PHKB: variants seen among roughly 807,000 people sequenced by gnomAD.
PHKB encodes phosphorylase b kinase regulatory subunit beta.
Under a neutral mutation model 152.1 loss-of-function variants are expected in PHKB, and 122 were observed. That is an observed-to-expected ratio of 0.80 (90% CI 0.69 to 0.93). The LOEUF (loss-of-function observed/expected upper bound fraction) is 0.93. PHKB is among the 40% of genes least tolerant of loss of function. PHKB has a pLI of 0.00. For missense variants in PHKB, 1,304 were observed against 1,328.4 expected (o/e 0.98, Z 0.29); for synonymous variants, 436 against 464.9 (o/e 0.94, Z 0.80).
At chr16:47,676,818 T>G (rs1973740187) in intron 26 of PHKB, among the ~76,000 whole-genome samples, 2 of 152,236 alleles carry the variant, frequency 1.3e-5, no homozygotes, top group Admixed American at 6.5e-5. Flanking sequence ...ATCAAGTTCC[T>G]GACAGGCCCA....
intron 4 of PHKB, among the ~76,000 whole-genome samples, chr16:47,511,127 G>A (rs1310791943): frequency 6.6e-6 from 1 of 152,170 alleles, no homozygotes; most frequent in African/African-American, 2.4e-5. Flanking sequence ...TAGAGTTGGT[G>A]CCTTAGTAAT....
intron 26 of PHKB, 91 bp downstream of exon 26, chr16:47,669,508 T>G: frequency 8.8e-7 from 1 of 1,139,820 alleles, no homozygotes; most frequent in Non-Finnish European, 1.3e-6. Flanking sequence ...ATGTTCCTGG[T>G]GTCTGGTGAG....
intron 6 of PHKB, among the ~76,000 whole-genome samples, chr16:47,516,985 A>G (rs1970608774): frequency 6.6e-6 from 1 of 152,140 alleles, no homozygotes; most frequent in Admixed American, 6.5e-5. Flanking sequence ...GCTAAAATAT[A>G]AAACAAATAA....
chr16:47,602,805 T>C (rs1165170891), intron 13 of PHKB, among the ~76,000 whole-genome samples: 1 of 152,176 alleles, frequency 6.6e-6, no homozygotes, highest in Non-Finnish European at 1.5e-5. Flanking sequence ...TCTTCCACTT[T>C]CTGTTCATAC....
Position 47,480,735 on chromosome 16 carries a change from A to G in PHKB, c.77-16664A>G, listed in dbSNP as rs148463324. 3.0e-4 allele frequency among the ~76,000 whole-genome samples: 46 copies of G among 152,332 alleles called. No homozygotes were observed. In the East Asian group the frequency reaches 8.1e-3, roughly 27 times the overall value. The stretch of plus-strand genomic sequence containing the variant: ...GCAATAAAATTCTTATAACTAAATT[A>G]TAATGCAAATTAAAGTACTGCAAAA... On this transcript the variant is annotated intron_variant, in intron 1 of 30. Coordinates refer to ENST00000323584, the MANE Select transcript of PHKB (RefSeq NM_000293.3).
At position 47,461,355 on chromosome 16, in the gene PHKB, CG is replaced by C; in HGVS notation, c.10del (p.Ala4ArgfsTer8). The C allele has an allele frequency of 1.2e-6, 2 of 1,609,292 alleles. No individual in the cohort carries two copies. The highest frequency in any genetic ancestry group is 1.7e-6 in the Non-Finnish European group (2 of 1,178,542). ...CAAGGCGGCGACCGGAGCGCGATGG[CG>C]GGGGCGGCGGGACTCACGGCAGAAG... MAGAAGLTAEVS... is the reference protein window; with the variant it reads MXGAAGLTAEVS... On this transcript the variant is annotated frameshift_variant, in exon 1 of 31. Transcript: ENST00000323584. LOFTEE classifies it high-confidence loss of function.
chr16:47,509,569 GC>G (rs983728473), intron 4 of PHKB, among the ~76,000 whole-genome samples: 36 of 152,076 alleles, frequency 2.4e-4, no homozygotes, highest in Non-Finnish European at 7.4e-5. Flanking sequence ...GTGACATGTG[GC>G]TATTGATTTC....
At chr16:47,475,215 A>G (rs1969848207) in intron 1 of PHKB, among the ~76,000 whole-genome samples, 1 of 152,216 alleles carries the variant, frequency 6.6e-6, no homozygotes, top group Middle Eastern at 3.2e-3. Context: ...CTAACTTCAA[A>G]AATTAAGGAC....
At chr16:47,536,271 G>A (rs763573266) in intron 6 of PHKB, among the ~76,000 whole-genome samples, 4 of 152,066 alleles carry the variant, frequency 2.6e-5, no homozygotes, top group East Asian at 3.9e-4. Flanking sequence ...GGCTGGTCTC[G>A]AACTTCTGAC....
intron 27 of PHKB, among the ~76,000 whole-genome samples, chr16:47,692,647 A>C (rs1012452223): frequency 6.6e-6 from 1 of 151,348 alleles, no homozygotes; most frequent in Non-Finnish European, 1.5e-5. Context: ...TAAATAAATA[A>C]ATGTATCTGT....
chr16:47,471,948 C>T lies in PHKB; in HGVS notation c.76+10522C>T, dbSNP rs140706122. ...GCGGGCGCCTGTAGTCCCAGCTACT[C>T]GCAAGGCTGAGGCAGGAGAATGGCG... On this transcript the variant is annotated intron_variant, in intron 1 of 30. Coordinates refer to ENST00000323584, the MANE Select transcript of PHKB (RefSeq NM_000293.3). 6.3e-3 allele frequency among the ~76,000 whole-genome samples: 956 copies of T among 152,210 alleles called. 15 individuals carry two copies. Among genetic ancestry groups the T allele is most frequent in the African/African-American group, 0.022 (914 of 41,540 alleles).
chr16:47,543,758 T>C (rs1246941656), intron 6 of PHKB, among the ~76,000 whole-genome samples: 1 of 152,216 alleles, frequency 6.6e-6, no homozygotes, highest in African/African-American at 2.4e-5. Context: ...AATTTATCAA[T>C]TTCTTCTAGA....
At chr16:47,650,956 A>G (rs1163716057) in intron 20 of PHKB, 35 bp downstream of exon 20, 4 of 1,382,992 alleles carry the variant, frequency 2.9e-6, no homozygotes, top group African/African-American at 1.4e-5. Flanking sequence ...ATCTATTTTC[A>G]GGACAGTTAA....
intron 13 of PHKB, chr16:47,598,985 T>C (rs1181031361): frequency 1.9e-6 from 2 of 1,074,856 alleles, no homozygotes; most frequent in African/African-American, 3.1e-5. Flanking sequence ...CCAGTGGTCT[T>C]CTTCAGCACA....
intron 8 of PHKB, among the ~76,000 whole-genome samples, chr16:47,585,411 A>T (rs1027728142): frequency 6.6e-6 from 1 of 152,248 alleles, no homozygotes; most frequent in African/African-American, 2.4e-5. Flanking sequence ...AGCAGTGCAG[A>T]CATCTAGCTT....
intron 14 of PHKB, among the ~76,000 whole-genome samples, chr16:47,625,668 C>CT (rs1316009761): frequency 9.9e-5 from 15 of 152,284 alleles, no homozygotes; most frequent in African/African-American, 2.6e-4. Flanking sequence ...AAAGTAGCCT[C>CT]TGTCTTCAGT....
intron 5 of PHKB, among the ~76,000 whole-genome samples, chr16:47,512,248 CA>C (rs1196959411): frequency 6.6e-6 from 1 of 152,134 alleles, no homozygotes; most frequent in Non-Finnish European, 1.5e-5. Flanking sequence ...AACTCTGAAA[CA>C]GAGAAGAAAG....
At chr16:47,502,503 A>T (rs1970339855) in intron 3 of PHKB, among the ~76,000 whole-genome samples, 2 of 152,228 alleles carry the variant, frequency 1.3e-5, no homozygotes, top group Admixed American at 6.5e-5. Flanking sequence ...GGCATCCTTG[A>T]CTATGACTAA....
chr16:47,652,049 A>G (rs568476756), intron 20 of PHKB, among the ~76,000 whole-genome samples: 13 of 150,800 alleles, frequency 8.6e-5, no homozygotes, highest in Admixed American at 2.0e-4. Context: ...TTTTTCTTCA[A>G]TTTTCCTTTC....
Sources: allele counts gnomAD v4.1 joint callset (sites outside exome capture counted in the v4.1 genomes callset), GRCh38; gene constraint gnomAD v4.1.1; transcripts MANE v1.5; gene names NCBI Gene and HGNC (gene_info 2026-07-23, HGNC 2026-07-21).